The following CTTNBP2 variants were observed in gnomAD, a reference collection of about 807,000 sequenced individuals.
The protein encoded by CTTNBP2 is cortactin-binding protein 2.
Under a neutral mutation model 156.9 loss-of-function variants are expected in CTTNBP2, and 108 were observed. That is an observed-to-expected ratio of 0.69 (90% CI 0.59 to 0.81). The LOEUF (loss-of-function observed/expected upper bound fraction) is 0.81. Among genes scored for constraint, CTTNBP2 ranks in the 30% least tolerant of loss-of-function variants. CTTNBP2 has a pLI of 0.00. For synonymous variants in CTTNBP2, 767 were observed against 751.8 expected (o/e 1.02, Z -0.33); for missense variants, 1,924 against 2,035.4 (o/e 0.95, Z 1.05).
intron 2 of CTTNBP2, 118 bp downstream of exon 2, chr7:117,861,091 C>G: frequency 1.5e-6 from 1 of 652,312 alleles, no homozygotes; most frequent in South Asian, 1.9e-5. Context: ...CACATTTTGA[C>G]CTGATGTAAC....
Position 117,735,210 on chromosome 7 carries a change from A to G in CTTNBP2, c.3688+59T>C, listed in dbSNP as rs550392945. ...AAGTATAACTGGTACTCTGGGAAAC[A>G]GAAAGATTAGAATATTACAGAAGCT... On this transcript the variant is annotated intron_variant, in intron 15 of 22. Transcript: ENST00000160373. The G allele has an allele frequency of 3.8e-6, 6 of 1,592,884 alleles. No individual in the cohort carries two copies. The South Asian group carries it at 5.7e-5, about 15-fold the overall frequency.
intron 14 of CTTNBP2, among the ~76,000 whole-genome samples, chr7:117,739,249 G>A (rs964562000): frequency 6.6e-6 from 1 of 152,166 alleles, no homozygotes; most frequent in Non-Finnish European, 1.5e-5. Context: ...ACCAGCCACA[G>A]AAGCAGGAAC....
At chr7:117,773,509 C>A (rs1045124940) in intron 8 of CTTNBP2, among the ~76,000 whole-genome samples, 3 of 151,958 alleles carry the variant, frequency 2.0e-5, no homozygotes, top group Admixed American at 2.0e-4. Flanking sequence ...GTCTGGAGGA[C>A]AAGTAAAAAG....
intron 2 of CTTNBP2, among the ~76,000 whole-genome samples, chr7:117,843,610 A>T (rs564439492): frequency 2.6e-5 from 4 of 152,312 alleles, no homozygotes; most frequent in Admixed American, 2.6e-4. Context: ...GAGGTAGATT[A>T]TGCAGCCTTG....
intron 14 of CTTNBP2, among the ~76,000 whole-genome samples, chr7:117,745,534 C>G (rs1369858072): frequency 6.6e-6 from 1 of 152,174 alleles, no homozygotes; most frequent in Non-Finnish European, 1.5e-5. Context: ...ATACCTAGTC[C>G]AGCTAGGGTG....
At chr7:117,794,774 A>G (rs1378180887) in intron 3 of CTTNBP2, among the ~76,000 whole-genome samples, 1 of 151,800 alleles carries the variant, frequency 6.6e-6, no homozygotes, top group Non-Finnish European at 1.5e-5. Flanking sequence ...TTAATTACAT[A>G]TATACTTTAT....
At chr7:117,760,180 A>T (rs1797121110) in intron 10 of CTTNBP2, 1 of 512,650 alleles carries the variant, frequency 2.0e-6, no homozygotes, top group Non-Finnish European at 3.5e-6. Flanking sequence ...TAGCAAGTGC[A>T]ATCACAAAGC....
intron 7 of CTTNBP2, 94 bp downstream of exon 7, chr7:117,780,347 C>T: frequency 6.0e-6 from 5 of 837,734 alleles, no homozygotes; most frequent in Non-Finnish European, 8.7e-6. Flanking sequence ...ATAAAGCAAC[C>T]TCTATTTTAA....
chr7:117,873,342 TCCGCCGCGGCCC>T lies in CTTNBP2; in HGVS notation c.62_73del (p.Gly21_Ala24del). ...CCCCGGGAACTCGGTTACCGCCGCC[TCCGCCGCGGCCC>T]CCGCCGCGTCCTCCGGGGCCCGGGA... On this transcript the variant is annotated inframe_deletion, in exon 1 of 23. Transcript: ENST00000160373. 1 of 1,446,948 alleles carries T rather than the reference TCCGCCGCGGCCC, an allele frequency of 6.9e-7. No individual in the cohort carries two copies. Among genetic ancestry groups the T allele is most frequent in the Non-Finnish European group, 9.1e-7 (1 of 1,104,274 alleles). 89.6% of individuals were successfully genotyped at this position (1,446,948 alleles called of 1,614,324 possible).
intron 1 of CTTNBP2, among the ~76,000 whole-genome samples, chr7:117,870,719 G>A (rs1325072259): frequency 6.6e-6 from 1 of 152,146 alleles, no homozygotes; most frequent in Non-Finnish European, 1.5e-5. Context: ...TTTCAGAGTG[G>A]AAACAGCAAT....
intron 3 of CTTNBP2, among the ~76,000 whole-genome samples, chr7:117,800,023 C>T (rs1799527148): frequency 6.6e-6 from 1 of 151,978 alleles, no homozygotes; most frequent in Non-Finnish European, 1.5e-5. Context: ...GAGAAATGTA[C>T]TATAATTATG....
intron 10 of CTTNBP2, among the ~76,000 whole-genome samples, chr7:117,759,468 T>C (rs1331697540): frequency 2.0e-5 from 3 of 152,176 alleles, no homozygotes; most frequent in African/African-American, 7.2e-5. Context: ...TTGTCATGAA[T>C]ACTCTTCTCT....
chr7:117,740,141 G>GAAGAAA (rs1437109836), intron 14 of CTTNBP2, among the ~76,000 whole-genome samples: 1 of 152,066 alleles, frequency 6.6e-6, no homozygotes, highest in Non-Finnish European at 1.5e-5. Context: ...GGGAATATGA[G>GAAGAAA]AAGAAAATGT....
intron 3 of CTTNBP2, among the ~76,000 whole-genome samples, chr7:117,808,510 G>C (rs1035705064): frequency 6.6e-6 from 1 of 152,164 alleles, no homozygotes. Flanking sequence ...AGGAGCCAAC[G>C]CATGAATGAG....
At chr7:117,856,799 A>C (rs1002917236) in intron 2 of CTTNBP2, among the ~76,000 whole-genome samples, 1 of 152,234 alleles carries the variant, frequency 6.6e-6, no homozygotes, top group African/African-American at 2.4e-5. Context: ...CAGGCTGGGC[A>C]CTGTAAAATG....
intron 2 of CTTNBP2, among the ~76,000 whole-genome samples, chr7:117,859,300 C>T (rs1338319290): frequency 1.3e-5 from 2 of 152,178 alleles, no homozygotes; most frequent in Non-Finnish European, 2.9e-5. Flanking sequence ...TCGGCAAGTG[C>T]TGATTATTAG....
At chr7:117,740,643 C>T (rs541842181) in intron 14 of CTTNBP2, among the ~76,000 whole-genome samples, 22 of 152,308 alleles carry the variant, frequency 1.4e-4, no homozygotes, top group East Asian at 3.9e-4. Flanking sequence ...TTATTCTAAA[C>T]GTTTGAGTGG....
At chr7:117,770,689 A>G (rs1797752240) in intron 8 of CTTNBP2, among the ~76,000 whole-genome samples, 1 of 152,204 alleles carries the variant, frequency 6.6e-6, no homozygotes, top group Admixed American at 6.5e-5. Flanking sequence ...GTGTCCTGAT[A>G]CACTCAGAAA....
chr7:117,742,087 G>A (rs571730543), intron 14 of CTTNBP2, among the ~76,000 whole-genome samples: 1 of 152,292 alleles, frequency 6.6e-6, no homozygotes, highest in South Asian at 2.1e-4. Context: ...ATCCACTGCT[G>A]TTTACCAGAA....
Sources: allele counts gnomAD v4.1 joint callset (sites outside exome capture counted in the v4.1 genomes callset), GRCh38; gene constraint gnomAD v4.1.1; transcripts MANE v1.5; gene names NCBI Gene and HGNC (gene_info 2026-07-23, HGNC 2026-07-21).